Variants in PARD3 observed in about 807,000 individuals in gnomAD.
PARD3 encodes par-3 family cell polarity regulator, also known as partitioning defective 3 homolog.
In PARD3, 75 loss-of-function variants were observed where a neutral mutation model predicts 155.4. That is an observed-to-expected ratio of 0.48 (90% confidence interval 0.40 to 0.58). The LOEUF (loss-of-function observed/expected upper bound fraction) is 0.58. Ranked by LOEUF, PARD3 falls within the 20% of genes least tolerant of loss-of-function variation. The pLI, the probability that PARD3 is intolerant of heterozygous loss-of-function variation, is 0.00. For missense variants in PARD3, 1,642 were observed against 1,721.7 expected (o/e 0.95, Z 0.82); for synonymous variants, 576 against 610.5 (o/e 0.94, Z 0.83).
intron 1 of PARD3, among the ~76,000 whole-genome samples, chr10:34,771,547 G>A (rs540454591): frequency 6.6e-6 from 1 of 152,330 alleles, no homozygotes; most frequent in East Asian, 1.9e-4. Context: ...AAACAGAAAA[G>A]TTACACAAAA....
intron 2 of PARD3, among the ~76,000 whole-genome samples, chr10:34,631,474 T>C (rs1269561160): frequency 6.6e-6 from 1 of 152,156 alleles, no homozygotes; most frequent in Non-Finnish European, 1.5e-5. Context: ...TAAGTGCTGG[T>C]AAAGGACCTG....
At chr10:34,458,828 A>C (rs2077472114) in intron 4 of PARD3, among the ~76,000 whole-genome samples, 2 of 152,190 alleles carry the variant, frequency 1.3e-5, no homozygotes, top group Admixed American at 6.5e-5. Context: ...TTTCCTGCAC[A>C]GTATTTCATA....
At chr10:34,384,322 T>C (rs1197571254) in intron 7 of PARD3, 68 bp from the exon 8 acceptor site, 3 of 1,354,184 alleles carry the variant, frequency 2.2e-6, no homozygotes, top group East Asian at 4.7e-5. Context: ...CTTACCACTT[T>C]AATGCTGTTA....
At chr10:34,270,433 G>A (rs768654839) in intron 21 of PARD3, among the ~76,000 whole-genome samples, 11 of 152,176 alleles carry the variant, frequency 7.2e-5, no homozygotes, top group South Asian at 2.1e-4. Context: ...GTGAGCCACC[G>A]TGCCTGGCCA....
intron 5 of PARD3, among the ~76,000 whole-genome samples, chr10:34,408,965 T>C (rs1244124413): frequency 3.9e-5 from 6 of 152,112 alleles, no homozygotes; most frequent in Non-Finnish European, 8.8e-5. Context: ...TAAACTATGC[T>C]CTACTGAACA....
In PARD3 at chr10:34,446,865, G is replaced by C. The variant is rs532148445; in HGVS notation, c.714+3452C>G. On this transcript the variant is annotated intron_variant, in intron 5 of 24. Coordinates refer to ENST00000374788, the MANE Select transcript of PARD3 (RefSeq NM_001184785.2). ...TAGGATCTTTATACCATAAAACATAGGCTGAGATGAAATATGTAAAACATT... is the reference window on the plus strand; with the variant it reads ...TAGGATCTTTATACCATAAAACATACGCTGAGATGAAATATGTAAAACATT... Among the ~76,000 whole-genome samples the C allele has an allele frequency of 7.9e-5, 12 of 152,190 alleles. No individual in the cohort carries two copies. In the South Asian group the frequency reaches 2.5e-3, roughly 32 times the overall value.
intron 3 of PARD3, among the ~76,000 whole-genome samples, chr10:34,505,445 C>T (rs1343947542): frequency 6.6e-6 from 1 of 152,164 alleles, no homozygotes; most frequent in Non-Finnish European, 1.5e-5. Flanking sequence ...AAGATTTCAT[C>T]AGGTTTTGAA....
chr10:34,433,078 A>G (rs1415958777), intron 5 of PARD3, among the ~76,000 whole-genome samples: 1 of 152,188 alleles, frequency 6.6e-6, no homozygotes, highest in Non-Finnish European at 1.5e-5. Flanking sequence ...TAAAATGTTT[A>G]CTTTCAATAA....
chr10:34,454,035 G>A (rs1040402130), intron 4 of PARD3, among the ~76,000 whole-genome samples: 10 of 152,200 alleles, frequency 6.6e-5, no homozygotes, highest in African/African-American at 2.2e-4. Context: ...TATGTATAAT[G>A]TATGAAAAGT....
chr10:34,678,328 C>A (rs77429782), intron 2 of PARD3, among the ~76,000 whole-genome samples: 3,320 of 152,238 alleles, frequency 0.022, 55 homozygotes, highest in Admixed American at 0.055. Context: ...CCTCCTTTGG[C>A]CATTCAAAGT....
intron 1 of PARD3, among the ~76,000 whole-genome samples, chr10:34,734,428 T>C (rs1007135988): frequency 1.4e-5 from 2 of 139,362 alleles, no homozygotes; most frequent in South Asian, 2.4e-4. Flanking sequence ...CTCCGCCTCC[T>C]GGGTTCACGC....
At chr10:34,225,015 G>GA (rs1564497144) in intron 22 of PARD3, among the ~76,000 whole-genome samples, 1 of 151,502 alleles carries the variant, frequency 6.6e-6, no homozygotes, top group South Asian at 2.1e-4. Context: ...AAGAGAGACA[G>GA]AAAAAAAAGA....
intron 2 of PARD3, among the ~76,000 whole-genome samples, chr10:34,651,065 C>T (rs2093001620): frequency 7.1e-6 from 1 of 140,148 alleles, no homozygotes. Flanking sequence ...TACACTGGCT[C>T]ACACTTTGGA....
chr10:34,539,230 C>T (rs1312067161), intron 2 of PARD3, among the ~76,000 whole-genome samples: 1 of 152,118 alleles, frequency 6.6e-6, no homozygotes, highest in Non-Finnish European at 1.5e-5. Flanking sequence ...TTGTGGTGCT[C>T]CCAGATGCTG....
At chr10:34,702,826 G>A (rs2094304075) in intron 1 of PARD3, among the ~76,000 whole-genome samples, 1 of 152,172 alleles carries the variant, frequency 6.6e-6, no homozygotes, top group Admixed American at 6.5e-5. Context: ...TACCATTAGT[G>A]CCTTAGGTCA....
intron 3 of PARD3, among the ~76,000 whole-genome samples, chr10:34,514,219 G>A (rs988752297): frequency 2.0e-5 from 3 of 152,102 alleles, no homozygotes; most frequent in Admixed American, 6.5e-5. Flanking sequence ...GGAAAACACA[G>A]GAAAGTGACC....
chr10:34,354,626 G>A (rs1336102020), intron 14 of PARD3, among the ~76,000 whole-genome samples: 1 of 152,166 alleles, frequency 6.6e-6, no homozygotes, highest in East Asian at 1.9e-4. Flanking sequence ...AATGGAAAAT[G>A]AAAGACTGCG....
At chr10:34,632,750 G>A (rs1005562883) in intron 2 of PARD3, among the ~76,000 whole-genome samples, 1 of 152,212 alleles carries the variant, frequency 6.6e-6, no homozygotes, top group African/African-American at 2.4e-5. Context: ...TACAGCTCTA[G>A]AGGATAAACC....
chr10:34,448,327 GAA>G (rs34058630), intron 5 of PARD3, among the ~76,000 whole-genome samples: 1 of 144,468 alleles, frequency 6.9e-6, no homozygotes, highest in African/African-American at 2.5e-5. Context: ...TGGAATCTTG[GAA>G]AAAAAAAAAA....
Sources: allele counts gnomAD v4.1 joint callset (sites outside exome capture counted in the v4.1 genomes callset), GRCh38; gene constraint gnomAD v4.1.1; transcripts MANE v1.5; gene names NCBI Gene and HGNC (gene_info 2026-07-23, HGNC 2026-07-21).